Variants in GKN1 observed in about 807,000 individuals in gnomAD.
GKN1 encodes the protein gastrokine 1.
Under a neutral mutation model 19.7 loss-of-function variants are expected in GKN1, and 17 were observed. That is an observed-to-expected ratio of 0.86 (90% CI 0.59 to 1.29). The LOEUF (loss-of-function observed/expected upper bound fraction) is 1.29, where lower values mean the gene tolerates loss of function less well. Ranked by LOEUF, GKN1 falls within the 50% of genes most tolerant of loss-of-function variation. GKN1 has a pLI of 0.00. For synonymous variants in GKN1, 96 were observed against 78.3 expected (o/e 1.23, Z -1.20); for missense variants, 218 against 224.5 (o/e 0.97, Z 0.19).
chr2:68,979,884 T>G (rs1670331970), intron 4 of GKN1, 29 bp from the exon 5 acceptor site: 3 of 1,604,816 alleles, frequency 1.9e-6, no homozygotes. Flanking sequence ...CTCCCATTCT[T>G]CCTTTCTACC....
At chr2:68,977,428 G>T (rs964720348) in intron 1 of GKN1, 67 bp from the exon 2 acceptor site, 1 of 1,053,376 alleles carries the variant, frequency 9.5e-7, no homozygotes, top group South Asian at 1.3e-5. Context: ...TCATAAGCTT[G>T]GATAGAGGAA....
intron 5 of GKN1, 24 bp downstream of exon 5, chr2:68,980,084 C>A: frequency 6.2e-7 from 1 of 1,604,944 alleles, no homozygotes. Context: ...CTACTGTGCA[C>A]CCCAAGTTAG....
chr2:68,976,847 AGTTCTCTACTTTCTAATAACACC>A (rs2103921586), intron 1 of GKN1, among the ~76,000 whole-genome samples: 1 of 152,316 alleles, frequency 6.6e-6, no homozygotes, highest in African/African-American at 2.4e-5. Context: ...TAAGAAAGGC[AGTTCTCTACTTTCTAATAACACC>A]TATGGTTTAT....
Position 68,977,719 on chromosome 2 carries a change from A to G in GKN1, c.149A>G (p.Asn50Ser), listed in dbSNP as rs1217463798. The G allele has an allele frequency of 3.7e-6, 6 of 1,607,920 alleles. No individual in the cohort carries two copies. The highest frequency in any genetic ancestry group is 2.2e-5 in the East Asian group (1 of 44,848). ...VSVNNEHNVA[N>S]VDNNNGWDSW... ...GTCAACAATGAACACAATGTGGCCA[A>G]TGTTGACAATAACAACGGATGGGAC... is the stretch of plus-strand genomic sequence containing the variant. Residue 50 changes from asparagine (N) to serine (S), a missense_variant, in exon 3 of 6, where the codon AAT becomes AGT. Coordinates refer to ENST00000377938, the MANE Select transcript of GKN1 (RefSeq NM_019617.4).
chr2:68,978,282 A>AAGAAAGAAAGAAAGAGAG (rs1670301683), intron 3 of GKN1, among the ~76,000 whole-genome samples: 1 of 139,994 alleles, frequency 7.1e-6, no homozygotes, highest in Non-Finnish European at 1.5e-5. Context: ...GAAAGAAAGA[A>AAGAAAGAAAGAAAGAGAG]AGAAAGAAAG....
chr2:68,980,372 A>C (rs569843049), intron 5 of GKN1, among the ~76,000 whole-genome samples: 44 of 152,326 alleles, frequency 2.9e-4, no homozygotes, highest in Admixed American at 2.5e-3. Flanking sequence ...CTTAAATATT[A>C]TGGAACACTG....
At chr2:68,980,530 CACAA>C (rs1468838986) in intron 5 of GKN1, among the ~76,000 whole-genome samples, 195 bp from the exon 6 acceptor site, 7 of 152,208 alleles carry the variant, frequency 4.6e-5, no homozygotes, top group Non-Finnish European at 1.5e-5. Flanking sequence ...AACAGCTGCA[CACAA>C]ACAAAGTGTC....
intron 3 of GKN1, chr2:68,978,259 A>AAG (rs1670299418): frequency 1.6e-5 from 2 of 125,052 alleles, no homozygotes; most frequent in African/African-American, 7.3e-5. Flanking sequence ...AAAGAAAGAA[A>AAG]GAAGGAAGGA....
intron 3 of GKN1, 102 bp from the exon 4 acceptor site, chr2:68,978,769 C>T (rs147586936): frequency 2.2e-5 from 14 of 637,868 alleles, no homozygotes; most frequent in East Asian, 1.7e-4. Flanking sequence ...CAGCTCATCA[C>T]GATCTTGGAG....
chr2:68,977,676 G>C lies in GKN1; in HGVS notation c.106G>C (p.Gly36Arg). ...VNDDNNNAGS[G>R]QQSVSVNNEH... is the part of the protein sequence containing the mutation. ...TGATGACAACAACAATGCTGGAAGT[G>C]GGCAGCAGTCAGTGAGTGTCAACAA... Residue 36 changes from glycine to arginine, a missense_variant, in exon 3 of 6, where the codon GGG (glycine) becomes CGG (arginine). Transcript: ENST00000377938. The C allele has an allele frequency of 6.2e-7, 1 of 1,608,472 alleles. No individual in the cohort carries two copies. Among genetic ancestry groups the C allele is most frequent in the Non-Finnish European group, 8.5e-7 (1 of 1,174,870 alleles).
intron 3 of GKN1, among the ~76,000 whole-genome samples, chr2:68,978,294 AAGAGAG>A (rs372956715): frequency 6.6e-5 from 8 of 121,728 alleles, no homozygotes; most frequent in African/African-American, 1.8e-4. Context: ...GAAAGAAAGA[AAGAGAG>A]AGAAAGAAAG....
chr2:68,978,881 C>T lies in GKN1; in HGVS notation c.215C>T (p.Ala72Val). The change falls in exon 4 of 6, where the codon GCA becomes GTA. Residue 72 changes from alanine to valine, a missense_variant. Physicochemically the swap from Ala to Val is moderately conservative, Grantham distance 64. Transcript: ENST00000377938. The stretch of plus-strand genomic sequence containing the variant: ...CATCTACTTTAACAGGGCTTTGCTG[C>T]AACCAGACTCTTTCAAAAGAAGACA... Reference protein sequence around the residue: ...SIWDYGNGFAATRLFQKKTCI... With the variant: ...SIWDYGNGFAVTRLFQKKTCI... 6.2e-7 allele frequency: 1 copy of T among 1,601,510 alleles called. No homozygotes were observed. Among genetic ancestry groups the T allele is most frequent in the Non-Finnish European group, 8.5e-7 (1 of 1,169,760 alleles).
At chr2:68,980,156 A>T in intron 5 of GKN1, 96 bp downstream of exon 5, 1 of 1,073,688 alleles carries the variant, frequency 9.3e-7, no homozygotes, top group Non-Finnish European at 1.4e-6. Flanking sequence ...TGATGCAGGG[A>T]TGGTCATCAA....
chr2:68,978,274 A>AGGAAGGAAGGAAGGAAAGAAAGAG (rs1670300846), intron 3 of GKN1, among the ~76,000 whole-genome samples: 2 of 129,668 alleles, frequency 1.5e-5, no homozygotes, highest in South Asian at 2.7e-4. Context: ...GAAGGAAGGA[A>AGGAAGGAAGGAAGGAAAGAAAGAG]AGAAAGAAAG....
intron 4 of GKN1, among the ~76,000 whole-genome samples, 193 bp downstream of exon 4, chr2:68,979,174 C>T (rs77931813): frequency 0.011 from 1,638 of 152,270 alleles, 40 homozygotes; most frequent in East Asian, 0.096. Flanking sequence ...ACACCTACCT[C>T]TACAACCGCT....
Position 68,980,865 on chromosome 2 carries a change from G to C in GKN1, c.*42G>C, listed in dbSNP as rs781633101. The stretch of plus-strand genomic sequence containing the variant: ...ACTATGGATTTAGTCATCTGAATAT[G>C]CTGTGCAGAAAAAATATGGGCTCCA... On this transcript the variant is annotated 3_prime_UTR_variant, in exon 6 of 6. Coordinates refer to ENST00000377938, the MANE Select transcript of GKN1 (RefSeq NM_019617.4). The C allele has an allele frequency of 6.2e-5, 60 of 962,786 alleles. 3 individuals carry two copies. Among genetic ancestry groups the C allele is most frequent in the South Asian group, 4.6e-4 (35 of 76,912 alleles). 59.6% of individuals were successfully genotyped at this position (962,786 alleles called of 1,614,324 possible).
chr2:68,980,233 C>CAGTT (rs78409249), intron 5 of GKN1, among the ~76,000 whole-genome samples, 173 bp downstream of exon 5: 31,268 of 151,872 alleles, frequency 0.21, 4,681 homozygotes, highest in African/African-American at 0.4. Flanking sequence ...TGTGTTAACT[C>CAGTT]GGTTCTTCAC....
At chr2:68,979,239 A>G (rs1192948385) in intron 4 of GKN1, among the ~76,000 whole-genome samples, 1 of 152,230 alleles carries the variant, frequency 6.6e-6, no homozygotes, top group African/African-American at 2.4e-5. Context: ...GGTCACACCA[A>G]TAGGAGCCTC....
chr2:68,979,774 C>G (rs1420530868), intron 4 of GKN1, 139 bp from the exon 5 acceptor site: 2 of 649,882 alleles, frequency 3.1e-6, no homozygotes. Flanking sequence ...AGAAATGGCT[C>G]TTCTTCATCT....
Sources: gnomAD v4.1 joint callset for allele counts (sites outside exome capture counted in the v4.1 genomes callset) on GRCh38, gnomAD v4.1.1 for gene constraint, MANE v1.5 for transcripts, NCBI Gene and HGNC (gene_info 2026-07-23, HGNC 2026-07-21) for gene names.